Variants in CLPB observed in about 807,000 individuals in gnomAD.
CLPB encodes mitochondrial disaggregase.
Under a neutral mutation model 78.4 loss-of-function variants are expected in CLPB, and 40 were observed. That is an observed-to-expected ratio of 0.51 (90% confidence interval 0.40 to 0.66). The LOEUF (loss-of-function observed/expected upper bound fraction) is 0.66. Among genes scored for constraint, CLPB ranks in the 30% least tolerant of loss-of-function variants. The probability of loss-of-function intolerance (pLI) is 0.00; values close to 1 mark genes in which losing one functional copy is unlikely to be tolerated. For missense variants in CLPB, 780 were observed against 886.9 expected (o/e 0.88, Z 1.53); for synonymous variants, 333 against 348.0 (o/e 0.96, Z 0.48).
At chr11:72,365,184 G>A (rs2135634818) in intron 4 of CLPB, among the ~76,000 whole-genome samples, 1 of 152,294 alleles carries the variant, frequency 6.6e-6, no homozygotes, top group South Asian at 2.1e-4. Flanking sequence ...ACTAGGGGCT[G>A]TGGTGGCACA....
rs1949455365 is a variant in CLPB, at chr11:72,291,780, A to C, written c.*1587T>G. 1 of 151,786 alleles carries C rather than the reference A, an allele frequency of 6.6e-6. No homozygotes were observed. The highest frequency in any genetic ancestry group is 2.1e-4 in the South Asian group (1 of 4,762). The allele number at this position is 151,786 out of a possible 1,614,324, so 9.4% of individuals were successfully genotyped here. A position where few individuals can be genotyped will look rare whatever the true frequency, so the allele number is the denominator to read the frequency against. On this transcript the variant is annotated 3_prime_UTR_variant, in exon 16 of 16. Coordinates refer to ENST00000538039, the MANE Select transcript of CLPB (RefSeq NM_001258392.3). ...AAAAGCAGGCCGGGTCCAGTGGCTC[A>C]TGCCTGTAATCCCAGCACTTTGGGA...
chr11:72,349,805 C>T (rs1016086341), intron 5 of CLPB, among the ~76,000 whole-genome samples: 4 of 152,230 alleles, frequency 2.6e-5, no homozygotes, highest in South Asian at 2.1e-4. Flanking sequence ...TCTGACTCAG[C>T]GCTGTTTCCA....
chr11:72,340,452 T>G (rs1190963686), intron 5 of CLPB, among the ~76,000 whole-genome samples: 1 of 152,144 alleles, frequency 6.6e-6, no homozygotes, highest in Non-Finnish European at 1.5e-5. Context: ...TTCCAGGCAG[T>G]TTGTTACTGA....
chr11:72,433,320 G>C (rs1856600570), intron 1 of CLPB, among the ~76,000 whole-genome samples: 1 of 152,130 alleles, frequency 6.6e-6, no homozygotes, highest in African/African-American at 2.4e-5. Flanking sequence ...AGTACTTTGG[G>C]AGGCCAAGGC....
chr11:72,328,036 G>A (rs749596592), intron 6 of CLPB, among the ~76,000 whole-genome samples: 2 of 152,192 alleles, frequency 1.3e-5, no homozygotes, highest in Non-Finnish European at 2.9e-5. Flanking sequence ...TCCCATTCTA[G>A]GCACATGGTA....
intron 6 of CLPB, 33 bp from the exon 7 acceptor site, chr11:72,317,253 G>A (rs772036910): frequency 6.6e-6 from 10 of 1,523,182 alleles, no homozygotes; most frequent in Non-Finnish European, 8.1e-6. Context: ...GTTGAGGGCT[G>A]CCGGGCCCAT....
intron 14 of CLPB, 22 bp from the exon 15 acceptor site, chr11:72,294,148 C>A (rs775481010): frequency 4.3e-6 from 7 of 1,611,646 alleles, no homozygotes; most frequent in South Asian, 3.3e-5. Context: ...CAGATAGAAG[C>A]ATGCCTGCAT....
chr11:72,406,424 G>A (rs535856122), intron 2 of CLPB, among the ~76,000 whole-genome samples: 1 of 152,302 alleles, frequency 6.6e-6, no homozygotes, highest in South Asian at 2.1e-4. Context: ...AAGGGCATTG[G>A]AGTAAGTCAG....
intron 3 of CLPB, among the ~76,000 whole-genome samples, chr11:72,394,558 T>C (rs1855348136): frequency 6.6e-6 from 1 of 152,182 alleles, no homozygotes; most frequent in Admixed American, 6.5e-5. Context: ...GTTAGGCAAA[T>C]GAGCTGGCAC....
chr11:72,336,492 C>T (rs1037119487), intron 5 of CLPB: 12 of 152,176 alleles, frequency 7.9e-5, no homozygotes, highest in African/African-American at 2.9e-4. Context: ...TGACTGCTGC[C>T]CTACCTACCA....
chr11:72,302,485 T>C (rs1393023896), intron 9 of CLPB, 137 bp from the exon 10 acceptor site: 5 of 746,578 alleles, frequency 6.7e-6, no homozygotes, highest in Non-Finnish European at 1.2e-5. Context: ...ACGCTCAAGA[T>C]GTTTTTTTCT....
At chr11:72,305,430 CCAT>C (rs1447787290) in intron 9 of CLPB, among the ~76,000 whole-genome samples, 5 of 152,220 alleles carry the variant, frequency 3.3e-5, no homozygotes, top group Non-Finnish European at 7.3e-5. Context: ...TGTGTGCTCA[CCAT>C]GATGTGATGA....
intron 11 of CLPB, among the ~76,000 whole-genome samples, chr11:72,295,876 A>G (rs541153338): frequency 3.3e-4 from 51 of 152,356 alleles, no homozygotes; most frequent in African/African-American, 1.2e-3. Flanking sequence ...GAGTGCCTCC[A>G]GGTGAGGCTG....
At chr11:72,339,726 C>A (rs183813884) in intron 5 of CLPB, among the ~76,000 whole-genome samples, 27 of 152,192 alleles carry the variant, frequency 1.8e-4, no homozygotes, top group African/African-American at 5.5e-4. Context: ...GTTCCTGATC[C>A]AGTTGAGGGG....
chr11:72,382,410 G>A (rs988339274), intron 3 of CLPB, among the ~76,000 whole-genome samples: 1 of 152,188 alleles, frequency 6.6e-6, no homozygotes, highest in Non-Finnish European at 1.5e-5. Context: ...CAATCCCAAT[G>A]ACTAACCATT....
intron 4 of CLPB, among the ~76,000 whole-genome samples, chr11:72,373,852 T>C (rs1951088710): frequency 6.7e-6 from 1 of 148,768 alleles, no homozygotes; most frequent in Non-Finnish European, 1.5e-5. Flanking sequence ...CCCAGCTACT[T>C]GGGAGGCTGA....
intron 3 of CLPB, among the ~76,000 whole-genome samples, chr11:72,389,006 C>A (rs1011345258): frequency 6.6e-6 from 1 of 152,130 alleles, no homozygotes; most frequent in Non-Finnish European, 1.5e-5. Context: ...CAAAGGTGTA[C>A]ATGAGGTCAG....
chr11:72,434,319 G>T lies in CLPB; in HGVS notation c.156C>A (p.Thr52=), dbSNP rs1856649636. 1 of 1,612,220 alleles carries T rather than the reference G, an allele frequency of 6.2e-7. No homozygotes were observed. Among genetic ancestry groups the T allele is most frequent in the Non-Finnish European group, 8.5e-7 (1 of 1,179,750 alleles). ...CCGGCGATGTTCCAGGGCGCCCCCC[G>T]GTGGCTACCCTCAGCCACTGCGGCT... ...LGEPQWLRVA[T]GGRPGTSPAL... The change falls in exon 1 of 16, where the codon ACC becomes ACA. Residue 52 remains threonine, a synonymous_variant. Coordinates refer to ENST00000538039, the MANE Select transcript of CLPB (RefSeq NM_001258392.3).
rs546645718 is a variant in CLPB, at chr11:72,377,685, G to A, written c.646+2596C>T. 1.2e-4 allele frequency among the ~76,000 whole-genome samples: 18 copies of A among 150,150 alleles called. 1 individual carries two copies. The South Asian group carries it at 3.4e-3, about 28-fold the overall frequency. On this transcript the variant is annotated intron_variant, in intron 4 of 15. Transcript: ENST00000538039. ...GAAGGGGAAGGGAAGGGGAAGGGAA[G>A]GGGAAGGGAAAGGGAAGGGGAAGGA...
Sources: gnomAD v4.1 joint callset for allele counts (sites outside exome capture counted in the v4.1 genomes callset) on GRCh38, gnomAD v4.1.1 for gene constraint, MANE v1.5 for transcripts, NCBI Gene and HGNC (gene_info 2026-07-23, HGNC 2026-07-21) for gene names.